FAM184B: variants seen among roughly 807,000 people sequenced by gnomAD.
FAM184B encodes the protein protein FAM184B.
A neutral mutation model predicts 135.9 loss-of-function variants in FAM184B; 111 were observed. The observed-to-expected ratio is 0.82, with a 90% CI of 0.70 to 0.96. The LOEUF is 0.96. Among genes scored for constraint, FAM184B ranks in the 40% least tolerant of loss-of-function variants. The pLI, the probability that FAM184B is intolerant of heterozygous loss-of-function variation, is 0.00. For synonymous variants in FAM184B, 552 were observed against 524.8 expected, an observed-to-expected ratio of 1.05 and a Z score of -0.71; for missense variants, 1,375 against 1,323.9, an observed-to-expected ratio of 1.04 and a Z score of -0.60.
chr4:17,672,900 A>T (rs1716210649), intron 7 of FAM184B, among the ~76,000 whole-genome samples: 1 of 152,078 alleles, frequency 6.6e-6, no homozygotes, highest in Non-Finnish European at 1.5e-5. Context: ...TCATAGAATG[A>T]TTTAGGGAGG....
At chr4:17,663,831 C>T (rs1322447477) in intron 8 of FAM184B, among the ~76,000 whole-genome samples, 1 of 152,046 alleles carries the variant, frequency 6.6e-6, no homozygotes, top group Non-Finnish European at 1.5e-5. Flanking sequence ...GGCCGTTTCC[C>T]CCATGCTGTT....
At chr4:17,718,572 C>T (rs1047660077) in intron 1 of FAM184B, among the ~76,000 whole-genome samples, 13 of 152,160 alleles carry the variant, frequency 8.5e-5, no homozygotes, top group Non-Finnish European at 1.6e-4. Context: ...TTGTCTTCCC[C>T]ATTGATGTTG....
At chr4:17,674,587 T>C (rs1577255909) in intron 7 of FAM184B, among the ~76,000 whole-genome samples, 1 of 152,164 alleles carries the variant, frequency 6.6e-6, no homozygotes, top group Admixed American at 6.6e-5. Context: ...TGACTCTGTC[T>C]TTCACAAGAG....
intron 1 of FAM184B, among the ~76,000 whole-genome samples, chr4:17,763,689 T>C (rs16895668): frequency 0.011 from 1,721 of 152,284 alleles, 40 homozygotes; most frequent in African/African-American, 0.039. Context: ...TAATGGACTC[T>C]TATTCAGAGG....
At chr4:17,726,525 C>T (rs942207432) in intron 1 of FAM184B, among the ~76,000 whole-genome samples, 3 of 152,082 alleles carry the variant, frequency 2.0e-5, no homozygotes, top group African/African-American at 7.2e-5. Flanking sequence ...GTATGTGCCA[C>T]CATGCTTGGC....
Position 17,781,524 on chromosome 4 carries a change from G to A in FAM184B, c.-225C>T. 2.0e-6 allele frequency: 1 copy of A among 488,244 alleles called. No individual in the cohort carries two copies. Among genetic ancestry groups the A allele is most frequent in the South Asian group, 3.7e-5 (1 of 26,874 alleles). 30.2% of individuals were successfully genotyped at this position (488,244 alleles called of 1,614,324 possible). ...TCTCCTGCTGGTTCTCTGGCTGGCT[G>A]GCTCCGCGGGCACCCGCACCCTGCG... is the stretch of plus-strand genomic sequence containing the variant. On this transcript the variant is annotated 5_prime_UTR_variant, in exon 1 of 18. Coordinates refer to ENST00000265018, the MANE Select transcript of FAM184B (RefSeq NM_015688.2). The surrounding 1 kb of genome is among the most constrained non-coding windows in gnomAD (Gnocchi z 6.5).
chr4:17,706,576 A>G (rs923426170), intron 3 of FAM184B, among the ~76,000 whole-genome samples: 1 of 152,150 alleles, frequency 6.6e-6, no homozygotes, highest in South Asian at 2.1e-4. Flanking sequence ...GTATTTTTGG[A>G]TACAAGCAAG....
intron 3 of FAM184B, among the ~76,000 whole-genome samples, chr4:17,706,598 C>T (rs1374471783): frequency 6.6e-6 from 1 of 152,180 alleles, no homozygotes; most frequent in Admixed American, 6.5e-5. Flanking sequence ...GCTCTGTCAC[C>T]AACCAGTTGG....
chr4:17,671,672 C>G (rs1389812390), intron 7 of FAM184B, among the ~76,000 whole-genome samples: 2 of 151,606 alleles, frequency 1.3e-5, no homozygotes, highest in African/African-American at 4.9e-5. Flanking sequence ...ATAAATTGAC[C>G]CTAATGAAAT....
At chr4:17,694,758 G>A (rs770038073) in intron 5 of FAM184B, among the ~76,000 whole-genome samples, 1 of 152,150 alleles carries the variant, frequency 6.6e-6, no homozygotes, top group Non-Finnish European at 1.5e-5. Context: ...ACCAGGAGCT[G>A]ACATTTGAGT....
At chr4:17,708,782 A>C (rs889669899) in intron 2 of FAM184B, 110 bp downstream of exon 2, 2 of 1,155,702 alleles carry the variant, frequency 1.7e-6, no homozygotes, top group Non-Finnish European at 1.2e-6. Flanking sequence ...AATAGGGCTC[A>C]CCTCCGTAGA....
At chr4:17,770,403 T>C (rs968164650) in intron 1 of FAM184B, among the ~76,000 whole-genome samples, 1 of 152,076 alleles carries the variant, frequency 6.6e-6, no homozygotes. Flanking sequence ...ATTTTGTTTA[T>C]GAGGTAAAGT....
chr4:17,743,639 C>G (rs1718094746), intron 1 of FAM184B, among the ~76,000 whole-genome samples: 1 of 152,210 alleles, frequency 6.6e-6, no homozygotes. Context: ...TTTCATCACA[C>G]TATTCAACAA....
At chr4:17,750,875 T>A (rs1000346071) in intron 1 of FAM184B, among the ~76,000 whole-genome samples, 1 of 152,204 alleles carries the variant, frequency 6.6e-6, no homozygotes, top group African/African-American at 2.4e-5. Context: ...TCATTATGCC[T>A]GATCTAAGCT....
chr4:17,690,691 A>G (rs1467490114), intron 6 of FAM184B, among the ~76,000 whole-genome samples: 1 of 152,208 alleles, frequency 6.6e-6, no homozygotes, highest in Non-Finnish European at 1.5e-5. Context: ...GCTAAGGTTT[A>G]TGAAATATTC....
chr4:17,659,596 C>T (rs748712508), intron 9 of FAM184B, among the ~76,000 whole-genome samples: 2 of 152,122 alleles, frequency 1.3e-5, no homozygotes, highest in Non-Finnish European at 2.9e-5. Context: ...AAGCAATTCT[C>T]CTGCCTCAGC....
intron 1 of FAM184B, among the ~76,000 whole-genome samples, chr4:17,723,265 T>C (rs564907359): frequency 1.3e-5 from 2 of 149,918 alleles, no homozygotes; most frequent in South Asian, 4.1e-4. Flanking sequence ...AAAATCTCTT[T>C]AACTATTTTC....
intron 16 of FAM184B, 41 bp from the exon 17 acceptor site, chr4:17,633,929 AAAAC>A: frequency 3.1e-6 from 4 of 1,299,544 alleles, no homozygotes; most frequent in South Asian, 3.8e-5. Context: ...TGCAATGCAA[AAAAC>A]AAAATAAAGC....
chr4:17,674,931 T>C (rs1716278737), intron 7 of FAM184B, among the ~76,000 whole-genome samples: 1 of 152,210 alleles, frequency 6.6e-6, no homozygotes, highest in Admixed American at 6.5e-5. Flanking sequence ...TCTGAAATCT[T>C]GAACCCCTCC....
Sources: allele counts gnomAD v4.1 joint callset (sites outside exome capture counted in the v4.1 genomes callset), GRCh38; gene constraint gnomAD v4.1.1; non-coding constraint Gnocchi (gnomAD v3.1); transcripts MANE v1.5; gene names NCBI Gene and HGNC (gene_info 2026-07-23, HGNC 2026-07-21).